DGKI: variants seen among roughly 807,000 people sequenced by gnomAD.
DGKI encodes diacylglycerol kinase iota, also known as DAG kinase iota.
DGKI carries 55 observed loss-of-function variants against 147.5 expected under a neutral mutation model. The observed-to-expected ratio is 0.37, with a 90% CI of 0.30 to 0.47. The LOEUF (loss-of-function observed/expected upper bound fraction) is 0.47, where lower values mean the gene tolerates loss of function less well. Among genes scored for constraint, DGKI ranks in the 20% least tolerant of loss-of-function variants. The pLI, the probability that DGKI is intolerant of heterozygous loss-of-function variation, is 1.00. For synonymous variants in DGKI, 469 were observed against 477.1 expected (o/e 0.98, Z 0.22); for missense variants, 1,007 against 1,323.8 (o/e 0.76, Z 3.71).
chr7:137,500,684 T>C (rs1266522863), intron 21 of DGKI, among the ~76,000 whole-genome samples: 18 of 152,094 alleles, frequency 1.2e-4, no homozygotes. Flanking sequence ...TATAAACCAA[T>C]GTTGTTAAAG....
In DGKI at chr7:137,383,808, C is replaced by T. The variant is rs1811114371; in HGVS notation, c.*7412G>A. ...GCAGAATTTGAAACTAACAGTCCTA[C>T]TTAACCTAACTCCTCTACATATTCT... On this transcript the variant is annotated 3_prime_UTR_variant, in exon 33 of 33. Transcript: ENST00000614521. 6.6e-6 allele frequency: 1 copy of T among 152,074 alleles called. No homozygotes were observed. Among genetic ancestry groups the T allele is most frequent in the East Asian group, 1.9e-4 (1 of 5,200 alleles). The allele number at this position is 152,074 out of a possible 1,614,324, so 9.4% of individuals were successfully genotyped here. A position where few individuals can be genotyped will look rare whatever the true frequency, so the allele number is the denominator to read the frequency against.
At chr7:137,707,821 A>G (rs935298048) in intron 1 of DGKI, among the ~76,000 whole-genome samples, 4 of 152,224 alleles carry the variant, frequency 2.6e-5, no homozygotes, top group African/African-American at 9.6e-5. Context: ...CAAAGTGAGA[A>G]CAGACTAATA....
chr7:137,487,632 A>C lies in DGKI; in HGVS notation c.2306T>G (p.Met769Arg). Residue 769 changes from methionine (M) to arginine (R), a missense_variant, in exon 22 of 33, where the codon ATG becomes AGG. Met to Arg is a moderately conservative substitution (Grantham distance 91). Coordinates refer to ENST00000614521, the MANE Select transcript of DGKI (RefSeq NM_001321708.2). ...RGDCDLETCR[M>R]YIDRLQEDLQ... ...CACCTCCTGTAGGCGGTCTATGTAC[A>C]TACGGCAAGTCTCCAAATCACAGTC... 1 of 1,613,828 alleles carries C rather than the reference A, an allele frequency of 6.2e-7. No homozygotes were observed. The highest frequency in any genetic ancestry group is 8.5e-7 in the Non-Finnish European group (1 of 1,179,742).
intron 3 of DGKI, among the ~76,000 whole-genome samples, chr7:137,663,630 G>C (rs1209754435): frequency 6.6e-6 from 1 of 152,090 alleles, no homozygotes; most frequent in African/African-American, 2.4e-5. Context: ...TGTGTCTGGG[G>C]GTTGCTGGCA....
At chr7:137,789,653 G>A (rs540294633) in intron 1 of DGKI, among the ~76,000 whole-genome samples, 5 of 152,314 alleles carry the variant, frequency 3.3e-5, no homozygotes, top group African/African-American at 1.2e-4. Context: ...GGAACACTTG[G>A]CTGCCTGAAT....
At position 137,495,275 on chromosome 7, in the gene DGKI, G is replaced by T. The variant is rs146205694; in HGVS notation, c.2249-7586C>A. Among the ~76,000 whole-genome samples the T allele has an allele frequency of 3.1e-3, 466 of 151,766 alleles. 4 individuals are homozygous for T. Among genetic ancestry groups the T allele is most frequent in the Non-Finnish European group, 5.1e-3 (348 of 67,888 alleles). Reference sequence around the variant, plus strand: ...TTAAGTCCTTGAATAGTCCAATAATGAGTTCCAAAACAGAATCAGTAATAA... The same window carrying T: ...TTAAGTCCTTGAATAGTCCAATAATTAGTTCCAAAACAGAATCAGTAATAA... On this transcript the variant is annotated intron_variant, in intron 21 of 32. Transcript: ENST00000614521.
At chr7:137,434,100 C>T (rs912121022) in intron 28 of DGKI, among the ~76,000 whole-genome samples, 1 of 144,500 alleles carries the variant, frequency 6.9e-6, no homozygotes, top group African/African-American at 2.6e-5. Flanking sequence ...GCTTGGGTGG[C>T]ACAGTGAAAC....
intron 20 of DGKI, among the ~76,000 whole-genome samples, chr7:137,522,894 T>C (rs1057319920): frequency 1.3e-5 from 2 of 151,968 alleles, no homozygotes; most frequent in African/African-American, 4.8e-5. Context: ...GGGATTTCAT[T>C]GGTTGAGAGA....
intron 28 of DGKI, among the ~76,000 whole-genome samples, chr7:137,424,946 C>T (rs1812730693): frequency 6.6e-6 from 1 of 152,230 alleles, no homozygotes; most frequent in Admixed American, 6.5e-5. Context: ...CTGTAGGCTC[C>T]ACCTCTGGGT....
At chr7:137,528,484 T>C (rs6945142) in intron 20 of DGKI, among the ~76,000 whole-genome samples, 6,276 of 152,248 alleles carry the variant, frequency 0.041, 293 homozygotes, top group African/African-American at 0.11. Flanking sequence ...CTGCCCAACA[T>C]GTTTTCCTGG....
At chr7:137,462,963 C>T in intron 27 of DGKI, among the ~76,000 whole-genome samples, 1 of 143,466 alleles carries the variant, frequency 7.0e-6, no homozygotes. Flanking sequence ...CAAACAAATG[C>T]TGTACTGCTT....
chr7:137,752,982 C>G (rs184507948), intron 1 of DGKI, among the ~76,000 whole-genome samples: 1 of 152,220 alleles, frequency 6.6e-6, no homozygotes, highest in Admixed American at 6.5e-5. Context: ...CCTTCCTAGA[C>G]AGCCAGTATC....
At chr7:137,841,697 T>C (rs1020045188) in intron 1 of DGKI, among the ~76,000 whole-genome samples, 8 of 152,006 alleles carry the variant, frequency 5.3e-5, no homozygotes, top group Non-Finnish European at 2.9e-5. Flanking sequence ...GTAGGGAACA[T>C]GTTCTCAGAT....
rs572973612 is a variant in DGKI at position 137,802,183 on chromosome 7, G to A, written c.401+44279C>T. The stretch of plus-strand genomic sequence containing the variant: ...TGTATGTTCTCTAAGTGGAAGCTAA[G>A]CTATGAGGAGGCAAAGACATAAGGA... On this transcript the variant is annotated intron_variant, in intron 1 of 32. Transcript: ENST00000614521. Among the ~76,000 whole-genome samples, 5 of 152,266 alleles carry A rather than the reference G, an allele frequency of 3.3e-5. No homozygotes were observed. The East Asian group carries it at 9.6e-4, about 29-fold the overall frequency.
intron 27 of DGKI, among the ~76,000 whole-genome samples, chr7:137,451,094 T>G (rs1813935345): frequency 6.6e-6 from 1 of 152,172 alleles, no homozygotes; most frequent in African/African-American, 2.4e-5. Context: ...CCTTGAATTT[T>G]TAAAGTCACA....
chr7:137,817,022 G>T (rs997336334), intron 1 of DGKI, among the ~76,000 whole-genome samples: 23 of 152,110 alleles, frequency 1.5e-4, no homozygotes, highest in Admixed American at 1.3e-3. Context: ...ACACTAAAAT[G>T]ACAATTTAAG....
At chr7:137,646,972 C>A (rs11975858) in intron 5 of DGKI, among the ~76,000 whole-genome samples, 1 of 152,004 alleles carries the variant, frequency 6.6e-6, no homozygotes, top group Non-Finnish European at 1.5e-5. Flanking sequence ...CCTGGAGGAA[C>A]AATGGTCTTT....
At chr7:137,732,548 T>C (rs1343584554) in intron 1 of DGKI, among the ~76,000 whole-genome samples, 2 of 152,056 alleles carry the variant, frequency 1.3e-5, no homozygotes, top group Non-Finnish European at 2.9e-5. Flanking sequence ...CTTAGTCTTA[T>C]AGGCTGTTCC....
At chr7:137,721,748 T>C (rs1401286593) in intron 1 of DGKI, among the ~76,000 whole-genome samples, 2 of 152,220 alleles carry the variant, frequency 1.3e-5, no homozygotes, top group Non-Finnish European at 1.5e-5. Context: ...AATCTGGCCA[T>C]TGCTTAATAA....
Sources: gnomAD v4.1 joint callset for allele counts (sites outside exome capture counted in the v4.1 genomes callset) on GRCh38, gnomAD v4.1.1 for gene constraint, MANE v1.5 for transcripts, NCBI Gene and HGNC (gene_info 2026-07-23, HGNC 2026-07-21) for gene names.